The following DLGAP1 variants were observed in gnomAD, a reference collection of about 807,000 sequenced individuals.
DLGAP1 encodes the protein disks large-associated protein 1.
In DLGAP1, 11 loss-of-function variants were observed where a neutral mutation model predicts 90.8. The observed-to-expected ratio is 0.12, with a 90% CI of 0.08 to 0.20. The LOEUF is 0.20. Among genes scored for constraint, DLGAP1 ranks in the 10% least tolerant of loss-of-function variants. DLGAP1 has a pLI of 1.00. For synonymous variants in DLGAP1, 558 were observed against 540.7 expected, an observed-to-expected ratio of 1.03 and a Z score of -0.44; for missense variants, 1,050 against 1,333.8, an observed-to-expected ratio of 0.79 and a Z score of 3.31.
chr18:4,028,553 A>G (rs1160284871), intron 2 of DLGAP1, among the ~76,000 whole-genome samples: 1 of 152,260 alleles, frequency 6.6e-6, no homozygotes, highest in Non-Finnish European at 1.5e-5. Flanking sequence ...TACAATGTAT[A>G]CATGTGTTGA....
At chr18:3,583,902 C>T (rs1255085506) in intron 7 of DLGAP1, among the ~76,000 whole-genome samples, 2 of 152,032 alleles carry the variant, frequency 1.3e-5, no homozygotes. Flanking sequence ...GAGCTGAGAT[C>T]GTGCCACTGC....
chr18:3,601,845 G>GAAAAAA (rs1371086899), intron 7 of DLGAP1, among the ~76,000 whole-genome samples: 3 of 10,850 alleles, frequency 2.8e-4, no homozygotes, highest in African/African-American at 8.6e-4. Context: ...ACTCCATCTC[G>GAAAAAA]GAAAAAAAAA....
chr18:4,181,707 TAA>T (rs1409722074), intron 1 of DLGAP1, among the ~76,000 whole-genome samples: 1 of 152,042 alleles, frequency 6.6e-6, no homozygotes, highest in Non-Finnish European at 1.5e-5. Flanking sequence ...CTTTTTTTTT[TAA>T]AGTGTCTGGT....
chr18:4,422,879 G>C (rs1435016774), intron 1 of DLGAP1, among the ~76,000 whole-genome samples: 1 of 152,036 alleles, frequency 6.6e-6, no homozygotes, highest in Non-Finnish European at 1.5e-5. Flanking sequence ...GCCTGGTAAA[G>C]TAAATGAGAC....
intron 1 of DLGAP1, among the ~76,000 whole-genome samples, chr18:4,291,380 G>A (rs2079844205): frequency 6.6e-6 from 1 of 152,064 alleles, no homozygotes; most frequent in Non-Finnish European, 1.5e-5. Flanking sequence ...TATAGGTGTG[G>A]CCTTTATCAC....
intron 1 of DLGAP1, among the ~76,000 whole-genome samples, chr18:4,320,451 T>C (rs78111718): frequency 0.048 from 7,235 of 152,296 alleles, 318 homozygotes; most frequent in East Asian, 0.18. Context: ...TCTCTTGTTC[T>C]CTTTAACACA....
At chr18:3,662,111 T>TAA (rs2059705362) in intron 7 of DLGAP1, among the ~76,000 whole-genome samples, 2 of 148,256 alleles carry the variant, frequency 1.3e-5, no homozygotes, top group Non-Finnish European at 1.5e-5. Flanking sequence ...AAAAAAAATT[T>TAA]TTTTTAAAGC....
intron 5 of DLGAP1, among the ~76,000 whole-genome samples, chr18:3,794,051 C>T (rs370997115): frequency 5.9e-5 from 9 of 152,140 alleles, no homozygotes; most frequent in African/African-American, 2.2e-4. Context: ...GGTTAAGTAC[C>T]AGCTGAACAA....
intron 9 of DLGAP1, among the ~76,000 whole-genome samples, chr18:3,561,072 A>AT (rs1374930240): frequency 6.6e-6 from 1 of 150,650 alleles, no homozygotes; most frequent in Non-Finnish European, 1.5e-5. Flanking sequence ...ATTTAAATAC[A>AT]TTTTTGCAAT....
chr18:3,829,837 C>T (rs770127251), intron 4 of DLGAP1, among the ~76,000 whole-genome samples: 7 of 152,134 alleles, frequency 4.6e-5, no homozygotes, highest in African/African-American at 9.7e-5. Flanking sequence ...TTTGATTGGG[C>T]ACTGGGTACT....
chr18:4,453,168 T>C (rs544784738), intron 1 of DLGAP1, among the ~76,000 whole-genome samples: 1 of 152,208 alleles, frequency 6.6e-6, no homozygotes, highest in Non-Finnish European at 1.5e-5. Context: ...ATTTAAGTAC[T>C]AAATCTAAAG....
intron 6 of DLGAP1, among the ~76,000 whole-genome samples, chr18:3,740,787 C>A (rs571570193): frequency 9.9e-5 from 15 of 150,786 alleles, no homozygotes; most frequent in Non-Finnish European, 1.8e-4. Context: ...ACAATCACAA[C>A]CACCATCATA....
At chr18:4,374,740 G>A (rs182714550) in intron 1 of DLGAP1, among the ~76,000 whole-genome samples, 155 of 152,074 alleles carry the variant, frequency 1.0e-3, no homozygotes, top group Middle Eastern at 3.4e-3. Context: ...CAGTAAAAAG[G>A]TAAATGTTAA....
chr18:4,323,575 T>C (rs896164359), intron 1 of DLGAP1, among the ~76,000 whole-genome samples: 23 of 152,084 alleles, frequency 1.5e-4, no homozygotes, highest in African/African-American at 5.6e-4. Flanking sequence ...AGAGAAAATG[T>C]GGTTCATGGC....
Position 3,705,011 on chromosome 18 carries a change from T to C in DLGAP1, c.1591+24124A>G, listed in dbSNP as rs186123628. ...AACACTATATTTGGGGATTCCAGAA[T>C]TGGGTAATAGAGGACAAAAGTGTGC... On this transcript the variant is annotated intron_variant, in intron 7 of 12. Coordinates refer to ENST00000315677, the MANE Select transcript of DLGAP1 (RefSeq NM_004746.4). 9.8e-5 allele frequency among the ~76,000 whole-genome samples: 15 copies of C among 152,290 alleles called. No individual in the cohort carries two copies. The East Asian group carries it at 2.9e-3, about 29-fold the overall frequency.
intron 1 of DLGAP1, among the ~76,000 whole-genome samples, chr18:4,163,114 C>T (rs2076873905): frequency 6.6e-6 from 1 of 151,968 alleles, no homozygotes; most frequent in East Asian, 1.9e-4. Context: ...ACATCTAAAC[C>T]CAAGATATAG....
At chr18:4,122,323 T>C (rs538756631) in intron 2 of DLGAP1, among the ~76,000 whole-genome samples, 1 of 152,360 alleles carries the variant, frequency 6.6e-6, no homozygotes, top group South Asian at 2.1e-4. Flanking sequence ...AAAACTTAAA[T>C]GATAGTTCAC....
intron 5 of DLGAP1, among the ~76,000 whole-genome samples, chr18:3,755,509 T>G (rs2063683261): frequency 6.6e-6 from 1 of 151,542 alleles, no homozygotes; most frequent in Admixed American, 6.6e-5. Flanking sequence ...AAAAAAGAAC[T>G]GGAGAGGCTA....
chr18:4,353,042 G>C (rs1288977201), intron 1 of DLGAP1, among the ~76,000 whole-genome samples: 1 of 152,104 alleles, frequency 6.6e-6, no homozygotes, highest in Non-Finnish European at 1.5e-5. Flanking sequence ...CTGCAAGAAA[G>C]CCCGCATTTG....
Sources: gnomAD v4.1 joint callset for allele counts (sites outside exome capture counted in the v4.1 genomes callset) on GRCh38, gnomAD v4.1.1 for gene constraint, MANE v1.5 for transcripts, NCBI Gene and HGNC (gene_info 2026-07-23, HGNC 2026-07-21) for gene names.